Variants in MARCHF1 observed in about 807,000 individuals in gnomAD.
The protein encoded by MARCHF1 is membrane associated ring-CH-type finger 1, also known as E3 ubiquitin-protein ligase MARCHF1.
A neutral mutation model predicts 54.2 loss-of-function variants in MARCHF1; 40 were observed. That is an observed-to-expected ratio of 0.74 (90% CI 0.57 to 0.96). MARCHF1 has a LOEUF of 0.96. Ranked by LOEUF, MARCHF1 falls within the 40% of genes least tolerant of loss-of-function variation. MARCHF1 has a pLI of 0.00. For synonymous variants in MARCHF1, 236 were observed against 236.3 expected (o/e 1.00, Z 0.01); for missense variants, 586 against 656.5 (o/e 0.89, Z 1.17).
At position 163,819,745 on chromosome 4, in the gene MARCHF1, C is replaced by T. The variant is rs536082194; in HGVS notation, c.111+34276G>A. On this transcript the variant is annotated intron_variant, in intron 4 of 9. Transcript: ENST00000514618. ...TCTCCCCAATATTCGTACAAACCAT[C>T]TTACAAACCAACTTGCATATGCACC... 2.6e-4 allele frequency among the ~76,000 whole-genome samples: 39 copies of T among 152,208 alleles called. No individual in the cohort carries two copies. In the South Asian group the frequency reaches 7.5e-3, roughly 29 times the overall value.
chr4:164,045,109 T>A (rs900454673), intron 2 of MARCHF1, among the ~76,000 whole-genome samples: 1 of 151,760 alleles, frequency 6.6e-6, no homozygotes, highest in Non-Finnish European at 1.5e-5. Context: ...ACTAAAAAAA[T>A]TAAGATATTT....
Position 164,211,095 on chromosome 4 carries a change from T to A in MARCHF1, c.-322-99433A>T, listed in dbSNP as rs371063547. ...GAAAGGGGAGAGGTTGGTCAAAGGG[T>A]ACAAAGTTCCTCTTAGACAAGAGAG... On this transcript the variant is annotated intron_variant, in intron 1 of 9. Transcript: ENST00000514618. Among the ~76,000 whole-genome samples the A allele has an allele frequency of 1.1e-4, 16 of 151,936 alleles. 1 individual carries two copies. Among genetic ancestry groups the A allele is most frequent in the African/African-American group, 3.6e-4 (15 of 41,492 alleles).
At chr4:163,931,951 C>A (rs2111399240) in intron 3 of MARCHF1, among the ~76,000 whole-genome samples, 1 of 152,242 alleles carries the variant, frequency 6.6e-6, no homozygotes, top group Admixed American at 6.5e-5. Context: ...CAGTTCCAGG[C>A]CATAACAATA....
intron 1 of MARCHF1, among the ~76,000 whole-genome samples, chr4:164,198,493 G>A (rs1413754765): frequency 6.6e-6 from 1 of 152,208 alleles, no homozygotes; most frequent in Non-Finnish European, 1.5e-5. Flanking sequence ...CAAGGATCAT[G>A]AGATGGTTTT....
At chr4:164,208,128 A>G (rs1056944009) in intron 1 of MARCHF1, among the ~76,000 whole-genome samples, 1 of 152,144 alleles carries the variant, frequency 6.6e-6, no homozygotes, top group Non-Finnish European at 1.5e-5. Context: ...GTGTCAAGGG[A>G]TTAACTCATC....
intron 4 of MARCHF1, among the ~76,000 whole-genome samples, chr4:163,821,038 T>A (rs1046218611): frequency 6.6e-6 from 1 of 152,086 alleles, no homozygotes; most frequent in African/African-American, 2.4e-5. Flanking sequence ...TGGCTCCACC[T>A]CTCTAACTTC....
intron 5 of MARCHF1, among the ~76,000 whole-genome samples, chr4:163,644,991 A>T (rs1328882662): frequency 6.6e-6 from 1 of 152,186 alleles, no homozygotes; most frequent in Non-Finnish European, 1.5e-5. Flanking sequence ...CAGCTCTGTG[A>T]CCTGGTTCCA....
intron 2 of MARCHF1, among the ~76,000 whole-genome samples, chr4:163,998,060 G>C (rs890930783): frequency 1.8e-4 from 2 of 11,294 alleles, no homozygotes; most frequent in African/African-American, 2.0e-4. Flanking sequence ...AAATTTCACA[G>C]AGAAAAAAAA....
At chr4:164,068,742 G>A (rs1011812246) in intron 2 of MARCHF1, among the ~76,000 whole-genome samples, 9 of 152,168 alleles carry the variant, frequency 5.9e-5, no homozygotes, top group Non-Finnish European at 1.0e-4. Flanking sequence ...GAGTGAGGGC[G>A]CACAGCGTGG....
chr4:164,019,527 G>A lies in MARCHF1; in HGVS notation c.-247-30818C>T, dbSNP rs185841745. Among the ~76,000 whole-genome samples the A allele has an allele frequency of 3.3e-5, 5 of 152,220 alleles. No individual in the cohort carries two copies. In the East Asian group the frequency reaches 9.6e-4, roughly 29 times the overall value. On this transcript the variant is annotated intron_variant, in intron 2 of 9. Coordinates refer to ENST00000514618, the MANE Select transcript of MARCHF1 (RefSeq NM_001394959.1). ...AGGGAAATAGAACACTGCAATCTGT[G>A]ACAAAGTAGCATCACAATTTTCAAT...
At chr4:163,814,388 C>T (rs766357807) in intron 4 of MARCHF1, among the ~76,000 whole-genome samples, 1 of 151,986 alleles carries the variant, frequency 6.6e-6, no homozygotes, top group Non-Finnish European at 1.5e-5. Context: ...CTGATTGCCC[C>T]AACACATGGT....
chr4:164,061,890 C>A (rs548328552), intron 2 of MARCHF1, among the ~76,000 whole-genome samples: 3 of 152,194 alleles, frequency 2.0e-5, no homozygotes, highest in Non-Finnish European at 2.9e-5. Flanking sequence ...GTGGTTGTTG[C>A]AGACTGAGAT....
intron 1 of MARCHF1, among the ~76,000 whole-genome samples, chr4:164,242,621 G>A (rs1579652573): frequency 6.6e-6 from 1 of 152,110 alleles, no homozygotes; most frequent in East Asian, 1.9e-4. Context: ...GAACAAAGCT[G>A]GATGGAGAAT....
At chr4:163,784,672 C>T (rs1242589077) in intron 4 of MARCHF1, among the ~76,000 whole-genome samples, 2 of 152,054 alleles carry the variant, frequency 1.3e-5, no homozygotes, top group Non-Finnish European at 2.9e-5. Context: ...CTCTATATTT[C>T]TGGAAAAATA....
chr4:163,792,245 G>A (rs1254019320), intron 4 of MARCHF1, among the ~76,000 whole-genome samples: 2 of 152,110 alleles, frequency 1.3e-5, no homozygotes, highest in Admixed American at 1.3e-4. Context: ...CGTTCTTTTA[G>A]TTGAGAGAAA....
intron 4 of MARCHF1, among the ~76,000 whole-genome samples, chr4:163,764,323 T>C (rs1016347030): frequency 9.2e-5 from 14 of 152,014 alleles, no homozygotes; most frequent in African/African-American, 2.7e-4. Context: ...ATAAATAATA[T>C]GAAAAAGACT....
intron 4 of MARCHF1, among the ~76,000 whole-genome samples, chr4:163,713,788 G>A (rs1450520425): frequency 6.6e-6 from 1 of 152,172 alleles, no homozygotes. Context: ...TAAGGACACT[G>A]GAACAGGATG....
intron 7 of MARCHF1, among the ~76,000 whole-genome samples, chr4:163,609,864 G>A (rs889456601): frequency 5.9e-5 from 9 of 151,832 alleles, no homozygotes; most frequent in Non-Finnish European, 1.2e-4. Context: ...TCCATTGAGG[G>A]AGTTTGAAAA....
chr4:164,182,040 C>A (rs183859170), intron 1 of MARCHF1, among the ~76,000 whole-genome samples: 2 of 152,026 alleles, frequency 1.3e-5, no homozygotes, highest in South Asian at 2.1e-4. Context: ...AATTTTTTCT[C>A]TTCTTTTTCT....
Sources: allele counts gnomAD v4.1 joint callset (sites outside exome capture counted in the v4.1 genomes callset), GRCh38; gene constraint gnomAD v4.1.1; transcripts MANE v1.5; gene names NCBI Gene and HGNC (gene_info 2026-07-23, HGNC 2026-07-21).